Variants in RAD51B observed in about 807,000 individuals in gnomAD.
RAD51B encodes the protein DNA repair protein RAD51 homolog 2.
A neutral mutation model predicts 42.2 loss-of-function variants in RAD51B; 38 were observed. The ratio of observed to expected loss-of-function variants is 0.90; its 90% CI spans 0.70 to 1.18. The LOEUF is 1.18. RAD51B is among the 50% of genes most tolerant of loss of function. The probability of loss-of-function intolerance (pLI) is 0.00; values close to 1 mark genes in which losing one functional copy is unlikely to be tolerated. For synonymous variants in RAD51B, 154 were observed against 145.2 expected (o/e 1.06, Z -0.43); for missense variants, 373 against 400.7 (o/e 0.93, Z 0.59).
chr14:68,497,105 G>A, intron 10 of RAD51B: 12 of 1,376,994 alleles, frequency 8.7e-6, no homozygotes, highest in Non-Finnish European at 1.2e-5. Context: ...TGACACTCAT[G>A]TTCTTTTTCT....
intron 10 of RAD51B, among the ~76,000 whole-genome samples, chr14:68,620,122 C>T (rs1190830843): frequency 1.3e-5 from 2 of 152,180 alleles, no homozygotes; most frequent in East Asian, 1.9e-4. Context: ...ACCTCCTTAC[C>T]CTTCCTCTTG....
chr14:67,940,692 A>C lies in RAD51B; in HGVS notation c.756+53488A>C, dbSNP rs2045169747. ...TGTGTGTTTGTATCTGTATTTAATG[A>C]TGTTTGTGCTTGGCTTAGGCTGGGG... On this transcript the variant is annotated intron_variant, in intron 7 of 10. Transcript: ENST00000471583. Among the ~76,000 whole-genome samples, 4 of 151,736 alleles carry C rather than the reference A, an allele frequency of 2.6e-5. No individual in the cohort carries two copies. In the South Asian group the frequency reaches 8.3e-4, roughly 31 times the overall value.
chr14:68,440,089 A>G (rs1022032501), intron 9 of RAD51B, among the ~76,000 whole-genome samples: 4 of 152,226 alleles, frequency 2.6e-5, no homozygotes, highest in African/African-American at 7.2e-5. Flanking sequence ...GATTCTGTAA[A>G]GAGACTCCTA....
At chr14:68,441,541 C>CAAAAAAA (rs67477807) in intron 9 of RAD51B, among the ~76,000 whole-genome samples, 3 of 68,028 alleles carry the variant, frequency 4.4e-5, no homozygotes, top group Non-Finnish European at 7.7e-5. Flanking sequence ...GACTCCATCT[C>CAAAAAAA]AAAAAAAAAA....
At chr14:68,619,461 C>CAA (rs371609592) in intron 10 of RAD51B, among the ~76,000 whole-genome samples, 45 of 123,658 alleles carry the variant, frequency 3.6e-4, no homozygotes, top group Middle Eastern at 4.2e-3. Context: ...GACTCCATCT[C>CAA]AAAAAAAAAA....
chr14:68,018,784 C>T (rs2075818578), intron 7 of RAD51B, among the ~76,000 whole-genome samples: 1 of 152,086 alleles, frequency 6.6e-6, no homozygotes, highest in Non-Finnish European at 1.5e-5. Context: ...TTTTATGTGT[C>T]TGGATTTTGA....
intron 7 of RAD51B, among the ~76,000 whole-genome samples, chr14:68,259,193 T>G (rs1043638976): frequency 1.3e-5 from 2 of 151,996 alleles, no homozygotes; most frequent in Non-Finnish European, 2.9e-5. Flanking sequence ...GCCCCTGTTC[T>G]TGAACGAAAT....
intron 7 of RAD51B, among the ~76,000 whole-genome samples, chr14:67,919,396 T>C (rs1318657058): frequency 2.0e-5 from 3 of 152,098 alleles, no homozygotes; most frequent in Non-Finnish European, 4.4e-5. Context: ...CTGTCCTCCC[T>C]CCTCCCTTTC....
At chr14:67,950,856 A>G (rs775240026) in intron 7 of RAD51B, among the ~76,000 whole-genome samples, 1 of 152,064 alleles carries the variant, frequency 6.6e-6, no homozygotes, top group Non-Finnish European at 1.5e-5. Flanking sequence ...GAGTTATTAA[A>G]TGGACTAATT....
intron 9 of RAD51B, among the ~76,000 whole-genome samples, chr14:68,431,573 T>C (rs777640945): frequency 8.1e-4 from 124 of 152,336 alleles, no homozygotes; most frequent in Non-Finnish European, 1.6e-3. Context: ...TGGTAGTTTG[T>C]ATTTCTGTGG....
chr14:68,427,938 A>G (rs1469489757), intron 9 of RAD51B, among the ~76,000 whole-genome samples: 3 of 152,208 alleles, frequency 2.0e-5, no homozygotes, highest in East Asian at 1.9e-4. Flanking sequence ...TTTAGGCCAT[A>G]AGAGCTCATC....
chr14:67,891,644 G>GATTT (rs140848477), intron 7 of RAD51B, among the ~76,000 whole-genome samples: 16,644 of 151,230 alleles, frequency 0.11, 1,220 homozygotes, highest in Middle Eastern at 0.28. Context: ...TGTGGGCCTG[G>GATTT]ATTTATTTAT....
rs758634222 is a variant in RAD51B at position 67,825,479 on chromosome 14, TC to T, written c.104del (p.Pro35HisfsTer5). ...ILTCQDFLCL[S>X]PLELMKVTGL... ...GTTTCTTTAGGACTTTTTATGTCTTTCCCCACTGGAGCTTATGAAGGTGACT... is the reference window on the plus strand; with the variant it reads ...GTTTCTTTAGGACTTTTTATGTCTTTCCCACTGGAGCTTATGAAGGTGACT... On this transcript the variant is annotated frameshift_variant, in exon 3 of 11. Transcript: ENST00000471583. LOFTEE classifies it high-confidence loss of function. 6.2e-7 allele frequency: 1 copy of T among 1,611,756 alleles called. No individual in the cohort carries two copies. Among genetic ancestry groups the T allele is most frequent in the African/African-American group, 1.3e-5 (1 of 74,930 alleles).
At chr14:67,987,120 G>A (rs1302495480) in intron 7 of RAD51B, among the ~76,000 whole-genome samples, 2 of 152,148 alleles carry the variant, frequency 1.3e-5, no homozygotes, top group African/African-American at 4.8e-5. Context: ...GGCATACAGT[G>A]TGTAATAATC....
intron 7 of RAD51B, among the ~76,000 whole-genome samples, chr14:68,182,116 C>G (rs2079071378): frequency 6.6e-6 from 1 of 152,152 alleles, no homozygotes; most frequent in African/African-American, 2.4e-5. Flanking sequence ...GGTCTCAGTA[C>G]TCTGTGGAAT....
intron 8 of RAD51B, among the ~76,000 whole-genome samples, chr14:68,367,162 C>A (rs1170122515): frequency 6.6e-6 from 1 of 152,232 alleles, no homozygotes; most frequent in Non-Finnish European, 1.5e-5. Context: ...TCCAGTCTGA[C>A]AGGCAGGCAA....
At chr14:68,246,993 AGAGCAGGG>A (rs1418598264) in intron 7 of RAD51B, among the ~76,000 whole-genome samples, 1 of 152,204 alleles carries the variant, frequency 6.6e-6, no homozygotes, top group Non-Finnish European at 1.5e-5. Flanking sequence ...CTGTGACTGA[AGAGCAGGG>A]GCTCTTGTTC....
At chr14:68,171,660 G>A (rs974313631) in intron 7 of RAD51B, among the ~76,000 whole-genome samples, 3 of 152,060 alleles carry the variant, frequency 2.0e-5, no homozygotes, top group African/African-American at 7.2e-5. Context: ...ATTAAATGCA[G>A]TGTTTTGTAG....
At chr14:68,452,692 C>G (rs1157017293) in intron 9 of RAD51B, among the ~76,000 whole-genome samples, 1 of 152,194 alleles carries the variant, frequency 6.6e-6, no homozygotes, top group Non-Finnish European at 1.5e-5. Context: ...ATAAGATTCT[C>G]TCATCATAGT....
Sources: gnomAD v4.1 joint callset for allele counts (sites outside exome capture counted in the v4.1 genomes callset) on GRCh38, gnomAD v4.1.1 for gene constraint, MANE v1.5 for transcripts, NCBI Gene and HGNC (gene_info 2026-07-23, HGNC 2026-07-21) for gene names.